Variants in MAGI2 observed in about 807,000 individuals in gnomAD.
The protein encoded by MAGI2 is membrane associated guanylate kinase, WW and PDZ domain containing 2, also known as membrane-associated guanylate kinase, WW and PDZ domain-containing protein 2.
Under a neutral mutation model 133.3 loss-of-function variants are expected in MAGI2, and 35 were observed. The ratio of observed to expected loss-of-function variants is 0.26; its 90% confidence interval spans 0.20 to 0.35. The LOEUF (loss-of-function observed/expected upper bound fraction) is 0.35, where lower values mean the gene tolerates loss of function less well. MAGI2 is among the 10% of genes least tolerant of loss of function. The probability of loss-of-function intolerance (pLI) is 1.00; values close to 1 mark genes in which losing one functional copy is unlikely to be tolerated. For synonymous variants in MAGI2, 729 were observed against 710.6 expected (o/e 1.03, Z -0.41); for missense variants, 1,636 against 1,863.4 (o/e 0.88, Z 2.25).
chr7:78,716,615 A>G (rs966768643), intron 2 of MAGI2, among the ~76,000 whole-genome samples: 1 of 152,322 alleles, frequency 6.6e-6, no homozygotes, highest in Admixed American at 6.5e-5. Flanking sequence ...ATAATTCAGA[A>G]AAGTGTGGTA....
Position 79,418,528 on chromosome 7 carries a change from C to T in MAGI2, c.301+34492G>A, listed in dbSNP as rs532647722. On this transcript the variant is annotated intron_variant, in intron 1 of 21. Coordinates refer to ENST00000354212, the MANE Select transcript of MAGI2 (RefSeq NM_012301.4). ...CAGGAAGATAGATTTCAGATCATTA[C>T]GATGAAAGACCAATGTATGAAATTG... Among the ~76,000 whole-genome samples the T allele has an allele frequency of 6.5e-4, 99 of 152,088 alleles. 2 individuals are homozygous for T. The highest frequency in any genetic ancestry group is 3.1e-3 in the South Asian group (15 of 4,816).
chr7:78,978,089 C>T (rs941233571), intron 2 of MAGI2, among the ~76,000 whole-genome samples: 6 of 151,738 alleles, frequency 4.0e-5, no homozygotes, highest in South Asian at 2.1e-4. Context: ...AAAAATAATA[C>T]GGCCACTTTG....
chr7:78,073,266 TTGAAAA>T (rs1814906645), intron 21 of MAGI2, among the ~76,000 whole-genome samples: 1 of 152,204 alleles, frequency 6.6e-6, no homozygotes, highest in Non-Finnish European at 1.5e-5. Context: ...ACGATTAACT[TTGAAAA>T]TGAAAGCGTA....
intron 6 of MAGI2, among the ~76,000 whole-genome samples, chr7:78,417,044 T>C (rs1160028454): frequency 3.3e-5 from 5 of 152,116 alleles, no homozygotes; most frequent in Non-Finnish European, 7.4e-5. Context: ...TCCTCACTTT[T>C]CTTGCAAATA....
intron 2 of MAGI2, among the ~76,000 whole-genome samples, chr7:78,693,851 G>A (rs74659228): frequency 0.014 from 2,144 of 152,150 alleles, 48 homozygotes; most frequent in African/African-American, 0.05. Context: ...CACACCCACC[G>A]CTGGCTCCAC....
rs568872995 is a variant in MAGI2 at position 78,155,886 on chromosome 7, A to G, written c.2845+4139T>C. Among the ~76,000 whole-genome samples the G allele has an allele frequency of 1.5e-4, 23 of 152,330 alleles. No individual in the cohort carries two copies. In the South Asian group the frequency reaches 4.6e-3, roughly 30 times the overall value. ...ATTACTAAATGCCAGCAAATAAGTA[A>G]GAAACCCTAACTCCCAGTTTCCCAA... is the stretch of plus-strand genomic sequence containing the variant. On this transcript the variant is annotated intron_variant, in intron 16 of 21. Transcript: ENST00000354212.
chr7:79,215,006 C>T (rs977615072), intron 1 of MAGI2, among the ~76,000 whole-genome samples: 10 of 150,258 alleles, frequency 6.7e-5, no homozygotes, highest in Non-Finnish European at 5.9e-5. Flanking sequence ...TATTTCTAAA[C>T]CAAAAATAAA....
chr7:79,294,771 T>C (rs13221042), intron 1 of MAGI2, among the ~76,000 whole-genome samples: 58,999 of 134,436 alleles, frequency 0.44, 14,874 homozygotes, highest in African/African-American at 0.69. Flanking sequence ...ACTCTGTTAC[T>C]CGGGCTGGAG....
At chr7:79,291,900 A>T (rs1486972584) in intron 1 of MAGI2, among the ~76,000 whole-genome samples, 6 of 151,868 alleles carry the variant, frequency 4.0e-5, no homozygotes, top group African/African-American at 1.5e-4. Flanking sequence ...CTATAAAGCA[A>T]TTTTTTTTAA....
At chr7:78,388,584 G>A (rs938680076) in intron 6 of MAGI2, among the ~76,000 whole-genome samples, 2 of 152,094 alleles carry the variant, frequency 1.3e-5, no homozygotes, top group Non-Finnish European at 2.9e-5. Flanking sequence ...TGAAGGGGTT[G>A]GGATAAAGAG....
intron 1 of MAGI2, among the ~76,000 whole-genome samples, chr7:79,338,124 T>C (rs1840577280): frequency 6.6e-6 from 1 of 152,192 alleles, no homozygotes; most frequent in African/African-American, 2.4e-5. Flanking sequence ...AACGATTAAT[T>C]ATTCCCCTTG....
At chr7:79,228,987 C>T (rs1279011650) in intron 1 of MAGI2, among the ~76,000 whole-genome samples, 1 of 151,784 alleles carries the variant, frequency 6.6e-6, no homozygotes, top group African/African-American at 2.4e-5. Flanking sequence ...TTTTATTAGC[C>T]CATGTGGATT....
At chr7:79,239,137 A>G (rs1832176311) in intron 1 of MAGI2, among the ~76,000 whole-genome samples, 1 of 152,164 alleles carries the variant, frequency 6.6e-6, no homozygotes, top group African/African-American at 2.4e-5. Context: ...ACATTGACAA[A>G]ATTATATTAC....
intron 2 of MAGI2, among the ~76,000 whole-genome samples, chr7:78,704,917 C>A (rs966665124): frequency 1.6e-4 from 24 of 151,506 alleles, no homozygotes; most frequent in African/African-American, 5.6e-4. Context: ...AAAACAAATA[C>A]TGCAGGTTCT....
At chr7:78,313,341 T>TAAAAATA (rs932396530) in intron 9 of MAGI2, among the ~76,000 whole-genome samples, 11 of 151,726 alleles carry the variant, frequency 7.2e-5, no homozygotes, top group Admixed American at 4.6e-4. Flanking sequence ...CCTAAATATA[T>TAAAAATA]AAAAATAAAA....
At chr7:78,486,919 A>C (rs1287691334) in intron 6 of MAGI2, 1 of 520,624 alleles carries the variant, frequency 1.9e-6, no homozygotes, top group Non-Finnish European at 3.9e-6. Flanking sequence ...AACGTACCCA[A>C]ATTTGAACTA....
intron 2 of MAGI2, among the ~76,000 whole-genome samples, chr7:78,691,329 T>C (rs1386525308): frequency 6.6e-6 from 1 of 152,200 alleles, no homozygotes; most frequent in African/African-American, 2.4e-5. Flanking sequence ...TAGAACCATG[T>C]GTGGCTTGAT....
chr7:78,656,611 T>C (rs1812306725), intron 2 of MAGI2, among the ~76,000 whole-genome samples: 1 of 152,194 alleles, frequency 6.6e-6, no homozygotes, highest in Non-Finnish European at 1.5e-5. Flanking sequence ...AGATCTAATG[T>C]ACAGCATGAG....
intron 1 of MAGI2, among the ~76,000 whole-genome samples, chr7:79,140,670 T>C (rs907491768): frequency 2.0e-5 from 3 of 152,166 alleles, no homozygotes; most frequent in Non-Finnish European, 4.4e-5. Context: ...CATCAGATTA[T>C]GAACCATAAT....
Sources: gnomAD v4.1 joint callset for allele counts (sites outside exome capture counted in the v4.1 genomes callset) on GRCh38, gnomAD v4.1.1 for gene constraint, MANE v1.5 for transcripts, NCBI Gene and HGNC (gene_info 2026-07-23, HGNC 2026-07-21) for gene names.